STIM2: variants seen among roughly 807,000 people sequenced by gnomAD.
The protein encoded by STIM2 is stromal interaction molecule 2.
A neutral mutation model predicts 85.8 loss-of-function variants in STIM2; 31 were observed. The observed-to-expected ratio is 0.36, with a 90% CI of 0.27 to 0.49. The LOEUF (loss-of-function observed/expected upper bound fraction) is 0.49, where lower values mean the gene tolerates loss of function less well. Among genes scored for constraint, STIM2 ranks in the 20% least tolerant of loss-of-function variants. STIM2 has a pLI of 0.98. For missense variants in STIM2, 841 were observed against 927.6 expected (o/e 0.91, Z 1.21); for synonymous variants, 356 against 331.1 (o/e 1.08, Z -0.82).
At chr4:26,901,522 T>G (rs1723919804) in intron 1 of STIM2, among the ~76,000 whole-genome samples, 1 of 152,218 alleles carries the variant, frequency 6.6e-6, no homozygotes, top group Admixed American at 6.5e-5. Flanking sequence ...ATTGCAAAGG[T>G]ATAACTTGCG....
intron 1 of STIM2, among the ~76,000 whole-genome samples, chr4:26,895,541 A>G (rs1440550120): frequency 6.6e-6 from 1 of 152,196 alleles, no homozygotes; most frequent in African/African-American, 2.4e-5. Context: ...AGAGAAAGGC[A>G]AGATTTTGAC....
intron 3 of STIM2, among the ~76,000 whole-genome samples, chr4:26,961,645 G>A (rs1397071837): frequency 6.6e-6 from 1 of 152,188 alleles, no homozygotes; most frequent in African/African-American, 2.4e-5. Context: ...GGGTATGGAG[G>A]TAGCTCACTG....
chr4:26,888,983 T>G (rs1333392016), intron 1 of STIM2, among the ~76,000 whole-genome samples: 1 of 152,164 alleles, frequency 6.6e-6, no homozygotes, highest in Non-Finnish European at 1.5e-5. Context: ...GGTGGTAGTC[T>G]TAATGTCGGT....
In STIM2 at chr4:27,008,806, T is replaced by G; in HGVS notation, c.1293T>G (p.Leu431=). ...TGACAACTTGTTTACGAGAACGACT[T>G]TTTCGCTGGCAACAAATTGAGAAGA... The change falls in exon 10 of 12, where the codon CTT becomes CTG. Residue 431 remains leucine (L), a synonymous_variant. Transcript: ENST00000467087. The G allele has an allele frequency of 6.2e-7, 1 of 1,614,148 alleles. No homozygotes were observed. The highest frequency in any genetic ancestry group is 1.1e-5 in the South Asian group (1 of 91,082).
intron 3 of STIM2, among the ~76,000 whole-genome samples, chr4:26,973,790 C>A (rs1158644713): frequency 1.3e-5 from 2 of 152,068 alleles, no homozygotes; most frequent in African/African-American, 2.4e-5. Flanking sequence ...TCCTGGATAT[C>A]CTTGTTAACC....
chr4:26,928,028 T>TGG (rs1725045425), intron 2 of STIM2, among the ~76,000 whole-genome samples: 1 of 151,918 alleles, frequency 6.6e-6, no homozygotes, highest in African/African-American at 2.4e-5. Context: ...CTGGCAGGTT[T>TGG]GGTGATTCTG....
intron 2 of STIM2, 108 bp from the exon 3 acceptor site, chr4:26,957,504 T>C (rs1726291157): frequency 1.7e-6 from 1 of 579,390 alleles, no homozygotes; most frequent in Admixed American, 3.8e-5. Flanking sequence ...ATTTGCCAGT[T>C]ACTGTTTGAA....
In STIM2 at chr4:27,002,233, G is replaced by C; in HGVS notation, c.642G>C (p.Trp214Cys). ...TTTTAATAGGCCCACCTCATAACTG[G>C]ATGAAAGATTTTATCCTCACAGTTT... The change falls in exon 6 of 12, where the codon TGG becomes TGC. Residue 214 changes from tryptophan (W) to cysteine (C), a missense_variant. Coordinates refer to ENST00000467087, the MANE Select transcript of STIM2 (RefSeq NM_020860.4). The C allele has an allele frequency of 6.2e-7, 1 of 1,609,324 alleles. No individual in the cohort carries two copies. Among genetic ancestry groups the C allele is most frequent in the South Asian group, 1.1e-5 (1 of 89,888 alleles).
intron 8 of STIM2, 53 bp downstream of exon 8, chr4:27,007,753 TAGAG>T: frequency 6.8e-7 from 1 of 1,466,648 alleles, no homozygotes; most frequent in Non-Finnish European, 9.0e-7. Context: ...GCTGCATTCT[TAGAG>T]GGATTACTCA....
At chr4:26,933,460 T>A (rs990119830) in intron 2 of STIM2, among the ~76,000 whole-genome samples, 112 of 152,312 alleles carry the variant, frequency 7.4e-4, no homozygotes, top group African/African-American at 2.6e-3. Flanking sequence ...GTCCTTCAAA[T>A]GGCATTGTTG....
chr4:27,003,392 T>C (rs140828187), intron 7 of STIM2, among the ~76,000 whole-genome samples: 1,527 of 152,302 alleles, frequency 0.01, 17 homozygotes, highest in Middle Eastern at 0.031. Context: ...CTGTAATATG[T>C]TTAAGTTTCT....
chr4:26,940,834 T>C (rs1173401618), intron 2 of STIM2, among the ~76,000 whole-genome samples: 1 of 152,176 alleles, frequency 6.6e-6, no homozygotes, highest in Non-Finnish European at 1.5e-5. Context: ...GCATTAAAAT[T>C]GCCAGGAAGA....
chr4:26,877,392 T>C (rs1223285932), intron 1 of STIM2, among the ~76,000 whole-genome samples: 1 of 152,212 alleles, frequency 6.6e-6, no homozygotes, highest in African/African-American at 2.4e-5. Context: ...AACATATTAA[T>C]CTTTTCCTTT....
At position 26,941,291 on chromosome 4, in the gene STIM2, T is replaced by C. The variant is rs1342287528; in HGVS notation, c.283-16321T>C. Among the ~76,000 whole-genome samples the C allele has an allele frequency of 3.3e-5, 5 of 152,292 alleles. No homozygotes were observed. In the East Asian group the frequency reaches 9.7e-4, roughly 29 times the overall value. Reference sequence around the variant, plus strand: ...GGAATCTTTTCTCTGTTTCTTGTTTTTTGTATTTTCTTCTATCATCCTTCT... The same window carrying C: ...GGAATCTTTTCTCTGTTTCTTGTTTCTTGTATTTTCTTCTATCATCCTTCT... On this transcript the variant is annotated intron_variant, in intron 2 of 11. Coordinates refer to ENST00000467087, the MANE Select transcript of STIM2 (RefSeq NM_020860.4).
intron 1 of STIM2, among the ~76,000 whole-genome samples, chr4:26,889,745 G>A (rs1057159381): frequency 1.3e-5 from 2 of 152,064 alleles, no homozygotes; most frequent in African/African-American, 2.4e-5. Flanking sequence ...TGGCCTCTTC[G>A]TTCATGACAG....
chr4:26,985,690 G>T (rs951935269), intron 3 of STIM2, among the ~76,000 whole-genome samples: 26 of 152,082 alleles, frequency 1.7e-4, no homozygotes, highest in African/African-American at 6.0e-4. Context: ...GTAACAGTCT[G>T]TACTGTTTTT....
chr4:26,947,368 G>A (rs71612819), intron 2 of STIM2, among the ~76,000 whole-genome samples: 325 of 152,132 alleles, frequency 2.1e-3, no homozygotes, highest in Middle Eastern at 6.8e-3. Context: ...AATTCATATC[G>A]AAACGTATTA....
At chr4:26,945,971 T>C (rs1391034891) in intron 2 of STIM2, among the ~76,000 whole-genome samples, 2 of 152,214 alleles carry the variant, frequency 1.3e-5, no homozygotes, top group African/African-American at 2.4e-5. Context: ...ATGTGTCTTA[T>C]ATGTAAAATT....
Position 27,022,679 on chromosome 4 carries a change from G to A in STIM2, c.1924G>A (p.Val642Ile). ...GGATTCCTCCCGAGGGGATTCGCCTGTAACTGTGGATGTGTCTTGGGGTTC... is the reference window on the plus strand; with the variant it reads ...GGATTCCTCCCGAGGGGATTCGCCTATAACTGTGGATGTGTCTTGGGGTTC... The change falls in exon 12 of 12, where the codon GTA (valine) becomes ATA (isoleucine). Residue 642 changes from valine (V) to isoleucine (I), a missense_variant. Physicochemically the swap from Val to Ile is conservative, Grantham distance 29. Around this residue, in one of 3 missense-constraint regions of STIM2, gnomAD observed 293 missense variants for 284.5 expected, o/e 1.03. Transcript: ENST00000467087. The A allele has an allele frequency of 1.9e-6, 3 of 1,614,238 alleles. No homozygotes were observed. Among genetic ancestry groups the A allele is most frequent in the Non-Finnish European group, 2.5e-6 (3 of 1,180,048 alleles).
Sources: allele counts gnomAD v4.1 joint callset (sites outside exome capture counted in the v4.1 genomes callset), GRCh38; gene constraint gnomAD v4.1.1; regional missense constraint gnomAD v4.1.1; transcripts MANE v1.5; gene names NCBI Gene and HGNC (gene_info 2026-07-23, HGNC 2026-07-21).